FER: variants seen among roughly 807,000 people sequenced by gnomAD.
FER encodes FER tyrosine kinase.
In FER, 63 loss-of-function variants were observed where a neutral mutation model predicts 111.0. The ratio of observed to expected loss-of-function variants is 0.57; its 90% confidence interval spans 0.46 to 0.70. FER has a LOEUF of 0.70. Ranked by LOEUF, FER falls within the 30% of genes least tolerant of loss-of-function variation. The probability of loss-of-function intolerance (pLI) is 0.00; values close to 1 mark genes in which losing one functional copy is unlikely to be tolerated. For synonymous variants in FER, 327 were observed against 313.9 expected (o/e 1.04, Z -0.44); for missense variants, 914 against 954.0 (o/e 0.96, Z 0.55).
intron 13 of FER, among the ~76,000 whole-genome samples, chr5:108,975,558 TG>T (rs1260101239): frequency 6.6e-6 from 1 of 152,144 alleles, no homozygotes; most frequent in African/African-American, 2.4e-5. Flanking sequence ...GTTTGATCTT[TG>T]GGGGCAACAG....
At chr5:108,845,009 T>TATATAC (rs1761777617) in intron 5 of FER, among the ~76,000 whole-genome samples, 4 of 33,128 alleles carry the variant, frequency 1.2e-4, no homozygotes, top group Non-Finnish European at 2.3e-4. Flanking sequence ...TATATATATA[T>TATATAC]ATATATATAT....
intron 17 of FER, among the ~76,000 whole-genome samples, chr5:109,135,901 A>G (rs1752845292): frequency 1.3e-5 from 2 of 152,118 alleles, no homozygotes; most frequent in Admixed American, 6.6e-5. Flanking sequence ...GCTTTTCTGT[A>G]TGACCTTACT....
intron 16 of FER, among the ~76,000 whole-genome samples, chr5:109,070,781 G>A (rs763596031): frequency 2.0e-5 from 3 of 151,790 alleles, no homozygotes; most frequent in Non-Finnish European, 3.0e-5. Flanking sequence ...TTAGAAATGC[G>A]AATAACATAA....
At chr5:108,794,325 C>G (rs899183372) in intron 2 of FER, among the ~76,000 whole-genome samples, 1 of 151,152 alleles carries the variant, frequency 6.6e-6, no homozygotes, top group African/African-American at 2.4e-5. Context: ...TCAAGTGATT[C>G]TCCTGCTGCG....
chr5:109,091,410 C>G (rs1014905386), intron 16 of FER, among the ~76,000 whole-genome samples: 1 of 152,198 alleles, frequency 6.6e-6, no homozygotes, highest in Non-Finnish European at 1.5e-5. Context: ...ATGGTGCTAA[C>G]TGCAGGTATG....
chr5:108,779,796 A>G (rs186021716), intron 2 of FER, among the ~76,000 whole-genome samples: 17 of 152,194 alleles, frequency 1.1e-4, no homozygotes, highest in Admixed American at 1.1e-3. Flanking sequence ...TTCTTATCTC[A>G]CTGCATTAGC....
chr5:109,066,743 T>G (rs1775137034), intron 16 of FER, among the ~76,000 whole-genome samples: 1 of 152,244 alleles, frequency 6.6e-6, no homozygotes, highest in Admixed American at 6.5e-5. Flanking sequence ...TTACACTATT[T>G]GTTAAATACT....
At chr5:109,154,097 C>T (rs565445940) in intron 17 of FER, among the ~76,000 whole-genome samples, 43 of 151,600 alleles carry the variant, frequency 2.8e-4, no homozygotes, top group Middle Eastern at 3.4e-3. Context: ...ACCCATGCTG[C>T]TCGAAGAACG....
Position 109,196,830 on chromosome 5 carries a change from A to T in FER, c.*9255A>T, listed in dbSNP as rs1759778466. The T allele has an allele frequency of 6.6e-6, 1 of 152,090 alleles. No homozygotes were observed. The highest frequency in any genetic ancestry group is 1.5e-5 in the Non-Finnish European group (1 of 68,026). The allele number at this position is 152,090 out of a possible 1,614,324, so 9.4% of individuals were successfully genotyped here. On this transcript the variant is annotated 3_prime_UTR_variant, in exon 20 of 20. Coordinates refer to ENST00000281092, the MANE Select transcript of FER (RefSeq NM_005246.4). ...TGTATTCCTATAATAAATGTAAAATATTTGTAGCAAACTGTGCCTTGTCTT... is the reference window on the plus strand; with the variant it reads ...TGTATTCCTATAATAAATGTAAAATTTTTGTAGCAAACTGTGCCTTGTCTT...
intron 17 of FER, among the ~76,000 whole-genome samples, chr5:109,116,568 T>C (rs1750275028): frequency 6.6e-6 from 1 of 152,166 alleles, no homozygotes; most frequent in African/African-American, 2.4e-5. Flanking sequence ...ACCTGGTGAA[T>C]TAAACCAAAT....
intron 17 of FER, among the ~76,000 whole-genome samples, chr5:109,116,146 C>T (rs1021735472): frequency 1.3e-5 from 2 of 151,920 alleles, no homozygotes; most frequent in Admixed American, 6.6e-5. Flanking sequence ...TCTCTATGCT[C>T]CCTTGGCCAC....
At chr5:108,772,446 C>CT (rs1050040884) in intron 2 of FER, among the ~76,000 whole-genome samples, 3 of 147,014 alleles carry the variant, frequency 2.0e-5, no homozygotes, top group South Asian at 2.1e-4. Context: ...CAGCTGCTTG[C>CT]TTTTTTTTTC....
At chr5:109,138,550 C>T (rs1461776370) in intron 17 of FER, among the ~76,000 whole-genome samples, 1 of 152,178 alleles carries the variant, frequency 6.6e-6, no homozygotes, top group East Asian at 1.9e-4. Flanking sequence ...ACCTTAATGT[C>T]AGCTAAAGGC....
At chr5:108,785,243 G>T in intron 2 of FER, 1 of 582,726 alleles carries the variant, frequency 1.7e-6, no homozygotes, top group Non-Finnish European at 3.2e-6. Flanking sequence ...AGGCAAGGAT[G>T]GCCAGGCCAT....
chr5:109,124,899 A>C (rs563170597), intron 17 of FER, among the ~76,000 whole-genome samples: 1 of 152,138 alleles, frequency 6.6e-6, no homozygotes, highest in African/African-American at 2.4e-5. Flanking sequence ...ACAAAAAATT[A>C]GCCAGGCGTA....
chr5:108,755,100 C>G (rs961129335), intron 1 of FER, among the ~76,000 whole-genome samples: 1 of 152,076 alleles, frequency 6.6e-6, no homozygotes, highest in Non-Finnish European at 1.5e-5. Flanking sequence ...AAGGAGGACT[C>G]GAGTCATTAA....
intron 6 of FER, 60 bp from the exon 7 acceptor site, chr5:108,871,305 G>C: frequency 7.3e-7 from 1 of 1,375,772 alleles, no homozygotes. Context: ...AATCCTTTTT[G>C]AGATAGTATC....
chr5:109,182,176 G>C (rs1435730080), intron 18 of FER, among the ~76,000 whole-genome samples: 1 of 151,946 alleles, frequency 6.6e-6, no homozygotes, highest in Non-Finnish European at 1.5e-5. Flanking sequence ...AATTATTCTG[G>C]GTATATACTA....
At chr5:108,859,935 T>G (rs897851340) in intron 5 of FER, among the ~76,000 whole-genome samples, 1 of 148,036 alleles carries the variant, frequency 6.8e-6, no homozygotes, top group Admixed American at 6.8e-5. Context: ...ATTATTATTA[T>G]TATTATTATT....
Sources: allele counts gnomAD v4.1 joint callset (sites outside exome capture counted in the v4.1 genomes callset), GRCh38; gene constraint gnomAD v4.1.1; transcripts MANE v1.5; gene names NCBI Gene and HGNC (gene_info 2026-07-23, HGNC 2026-07-21).